The following SMAD3 variants were observed in gnomAD, a reference collection of about 807,000 sequenced individuals.
SMAD3 encodes the protein SMAD family member 3.
SMAD3 carries 12 observed loss-of-function variants against 51.8 expected under a neutral mutation model. The observed-to-expected ratio is 0.23, with a 90% CI of 0.15 to 0.38. The LOEUF is 0.38. SMAD3 is among the 10% of genes least tolerant of loss of function. The probability of loss-of-function intolerance (pLI) is 1.00; values close to 1 mark genes in which losing one functional copy is unlikely to be tolerated. For missense variants in SMAD3, 294 were observed against 565.6 expected, an observed-to-expected ratio of 0.52 and a Z score of 4.87; for synonymous variants, 238 against 227.7, an observed-to-expected ratio of 1.05 and a Z score of -0.41.
At chr15:67,092,155 C>T (rs2140215185) in intron 1 of SMAD3, among the ~76,000 whole-genome samples, 1 of 152,288 alleles carries the variant, frequency 6.6e-6, no homozygotes, top group Admixed American at 6.5e-5. Context: ...CTGCTGGAGG[C>T]CTCCTGATCT....
At chr15:67,075,355 G>C (rs1960145365) in intron 1 of SMAD3, among the ~76,000 whole-genome samples, 1 of 152,200 alleles carries the variant, frequency 6.6e-6, no homozygotes, top group East Asian at 1.9e-4. Context: ...GTGAATTACT[G>C]CTTGTTGTGC....
chr15:67,066,121 G>T lies in SMAD3; in HGVS notation c.-34G>T, dbSNP rs1204419334. On this transcript the variant is annotated 5_prime_UTR_variant, in exon 1 of 9. Coordinates refer to ENST00000327367, the MANE Select transcript of SMAD3 (RefSeq NM_005902.4). ...TCCCGTCGAGCCCAGCCCCGCCGGG[G>T]GCGCTCCTCGCCGCCCGCGCGCCCT... 2 of 1,537,714 alleles carry T rather than the reference G, an allele frequency of 1.3e-6. No homozygotes were observed. Among genetic ancestry groups the T allele is most frequent in the Admixed American group, 3.9e-5 (2 of 51,416 alleles).
chr15:67,088,181 G>A (rs1333994144), intron 1 of SMAD3, among the ~76,000 whole-genome samples: 1 of 152,244 alleles, frequency 6.6e-6, no homozygotes, highest in Non-Finnish European at 1.5e-5. Context: ...TTGGTTTTCT[G>A]TAGTCCCAAA....
intron 1 of SMAD3, among the ~76,000 whole-genome samples, chr15:67,161,838 T>TA (rs1249133844): frequency 1.3e-5 from 2 of 152,168 alleles, no homozygotes; most frequent in Admixed American, 1.3e-4. Context: ...CTGAGTGTCC[T>TA]AGGAAGCTCA....
intron 1 of SMAD3, among the ~76,000 whole-genome samples, chr15:67,083,627 C>T (rs1006239701): frequency 3.3e-5 from 5 of 152,200 alleles, no homozygotes; most frequent in Admixed American, 6.5e-5. Context: ...TCTGCTCTCC[C>T]TGGGTTTCGT....
At position 67,192,783 on chromosome 15, in the gene SMAD3, T is replaced by C. The variant is rs991243308; in HGVS notation, c.*2247T>C. ...AAGGGGGAAAAAAAAAGCCTATACT[T>C]TGGCAGGTTATGAACTTTGAATGTG... On this transcript the variant is annotated 3_prime_UTR_variant, in exon 9 of 9. Transcript: ENST00000327367. The C allele has an allele frequency of 4.3e-6, 1 of 233,154 alleles. No individual in the cohort carries two copies. Among genetic ancestry groups the C allele is most frequent in the African/African-American group, 2.2e-5 (1 of 45,334 alleles). The allele number at this position is 233,154 out of a possible 1,614,324, so 14.4% of individuals were successfully genotyped here. A position where few individuals can be genotyped will look rare whatever the true frequency, so the allele number is the denominator to read the frequency against.
rs60300820 is a variant in SMAD3 at position 67,180,972 on chromosome 15, C to CTAAA, written c.659-236_659-233dup. 0.64 allele frequency among the ~76,000 whole-genome samples: 93,706 copies of CTAAA among 145,712 alleles called. 30,778 individuals are homozygous for CTAAA. The highest frequency in any genetic ancestry group is 0.74 in the Middle Eastern group (211 of 284). The stretch of plus-strand genomic sequence containing the variant: ...GCAGGCGGGGCAGGGCCTTTATGAG[C>CTAAA]TAAATAAATAAATAAATAAATAAAT... On this transcript the variant is annotated intron_variant, in intron 5 of 8. Coordinates refer to ENST00000327367, the MANE Select transcript of SMAD3 (RefSeq NM_005902.4).
rs561905797 is a variant in SMAD3, at chr15:67,117,862, C to T, written c.207-47033C>T. Among the ~76,000 whole-genome samples, 5 of 152,240 alleles carry T rather than the reference C, an allele frequency of 3.3e-5. No individual in the cohort carries two copies. The East Asian group carries it at 5.8e-4, about 18-fold the overall frequency. On this transcript the variant is annotated intron_variant, in intron 1 of 8. Coordinates refer to ENST00000327367, the MANE Select transcript of SMAD3 (RefSeq NM_005902.4). ...ATCCCAGCACTTTGGGAGGCCGAGGCGGGTGGATCACCTGAGGTCAGGAGT... is the reference window on the plus strand; with the variant it reads ...ATCCCAGCACTTTGGGAGGCCGAGGTGGGTGGATCACCTGAGGTCAGGAGT...
intron 5 of SMAD3, among the ~76,000 whole-genome samples, chr15:67,172,696 ATG>A: frequency 6.6e-6 from 1 of 152,210 alleles, no homozygotes; most frequent in Admixed American, 6.5e-5. Context: ...TGGTGAACTC[ATG>A]TGTCCCAGAT....
At chr15:67,149,252 A>G (rs1371686004) in intron 1 of SMAD3, among the ~76,000 whole-genome samples, 1 of 152,132 alleles carries the variant, frequency 6.6e-6, no homozygotes, top group East Asian at 1.9e-4. Context: ...TACCTCCACT[A>G]CTTGGGCCTG....
chr15:67,108,699 G>A (rs1188617582), intron 1 of SMAD3, among the ~76,000 whole-genome samples: 1 of 152,194 alleles, frequency 6.6e-6, no homozygotes, highest in Non-Finnish European at 1.5e-5. Flanking sequence ...GTCACTAAGG[G>A]CATGTCACTC....
intron 1 of SMAD3, among the ~76,000 whole-genome samples, chr15:67,129,018 C>CCCGA (rs145901939): frequency 1.7e-3 from 264 of 152,288 alleles, no homozygotes; most frequent in African/African-American, 6.2e-3. Context: ...CAGCCACTTA[C>CCCGA]CCGAGGCCAC....
chr15:67,143,894 T>C (rs141243619), intron 1 of SMAD3, among the ~76,000 whole-genome samples: 24 of 150,982 alleles, frequency 1.6e-4, no homozygotes, highest in African/African-American at 5.8e-4. Flanking sequence ...CTCAGCCTCC[T>C]GAGTAGCTGG....
At chr15:67,166,481 C>T (rs951766077) in intron 3 of SMAD3, 3 of 508,758 alleles carry the variant, frequency 5.9e-6, no homozygotes, top group African/African-American at 5.8e-5. Context: ...GGGGCTTAAC[C>T]CTCACCTTGA....
chr15:67,135,540 C>T (rs1199779731), intron 1 of SMAD3, among the ~76,000 whole-genome samples: 1 of 147,938 alleles, frequency 6.8e-6, no homozygotes, highest in Non-Finnish European at 1.5e-5. Context: ...TTTTCCCTTC[C>T]ACTTAATTGT....
At chr15:67,080,550 C>CAGA (rs1960259109) in intron 1 of SMAD3, among the ~76,000 whole-genome samples, 1 of 152,166 alleles carries the variant, frequency 6.6e-6, no homozygotes. Flanking sequence ...TGGCCAAGAG[C>CAGA]AGAGACTTCT....
At chr15:67,176,451 A>G (rs28734100) in intron 5 of SMAD3, among the ~76,000 whole-genome samples, 2,800 of 152,124 alleles carry the variant, frequency 0.018, 84 homozygotes, top group African/African-American at 0.064. Flanking sequence ...TTCTGTTTTG[A>G]CCTTTCGTCT....
intron 1 of SMAD3, among the ~76,000 whole-genome samples, chr15:67,089,557 A>G (rs1300362213): frequency 6.6e-6 from 1 of 152,176 alleles, no homozygotes; most frequent in Non-Finnish European, 1.5e-5. Flanking sequence ...CAGTTCTTTG[A>G]CAGAGTTCTT....
At chr15:67,067,669 G>T (rs1439905204) in intron 1 of SMAD3, among the ~76,000 whole-genome samples, 1 of 152,172 alleles carries the variant, frequency 6.6e-6, no homozygotes. Flanking sequence ...GCCTCCCCTG[G>T]AAATAAATGC....
Sources: gnomAD v4.1 joint callset for allele counts (sites outside exome capture counted in the v4.1 genomes callset) on GRCh38, gnomAD v4.1.1 for gene constraint, MANE v1.5 for transcripts, NCBI Gene and HGNC (gene_info 2026-07-23, HGNC 2026-07-21) for gene names.